Variants in NRK observed in about 807,000 individuals in gnomAD.
NRK encodes the protein Nik related kinase, also known as nik-related protein kinase.
NRK carries 67 observed loss-of-function variants against 125.2 expected under a neutral mutation model. That is an observed-to-expected ratio of 0.54 (90% confidence interval 0.44 to 0.66). The LOEUF (loss-of-function observed/expected upper bound fraction) is 0.66, where lower values mean the gene tolerates loss of function less well. NRK is among the 30% of genes least tolerant of loss of function. The pLI, the probability that NRK is intolerant of heterozygous loss-of-function variation, is 0.00. For synonymous variants in NRK, 458 were observed against 429.0 expected, an observed-to-expected ratio of 1.07 and a Z score of -0.84; for missense variants, 1,224 against 1,192.9, an observed-to-expected ratio of 1.03 and a Z score of -0.38.
intron 8 of NRK, among the ~76,000 whole-genome samples, chrX:105,899,968 A>G (rs1468037380): frequency 9.1e-6 from 1 of 110,346 alleles, no homozygotes; most frequent in Non-Finnish European, 1.9e-5. Context: ...ACTCTGTCTC[A>G]AGGAAGAAAA....
chrX:105,834,166 G>T (rs183178481), intron 2 of NRK, among the ~76,000 whole-genome samples: 1 of 110,916 alleles, frequency 9.0e-6, no homozygotes, highest in East Asian at 2.8e-4. Flanking sequence ...ATAGTCCAAG[G>T]CTTCTGAGTA....
In NRK at chrX:105,893,803, T is replaced by G. The variant is rs148870043; in HGVS notation, c.379-29T>G. The stretch of plus-strand genomic sequence containing the variant: ...ATATTTTCAGAAAATTGGACACTAA[T>G]TTTTTATACTTTGCTGGCTTTCCTG... On this transcript the variant is annotated intron_variant, in intron 5 of 28. Coordinates refer to ENST00000243300, the MANE Select transcript of NRK (RefSeq NM_198465.4). 8.3e-6 allele frequency: 8 copies of G among 964,391 alleles called. No individual in the cohort carries two copies. In the African/African-American group the frequency reaches 1.1e-4, roughly 14 times the overall value. 79.5% of individuals were successfully genotyped at this position (964,391 alleles called of 1,213,427 possible).
In NRK at chrX:105,935,246, C is replaced by G. The variant is rs1294120667; in HGVS notation, c.3576C>G (p.Val1192=). The G allele has an allele frequency of 6.7e-6, 8 of 1,190,018 alleles. No individual in the cohort carries two copies. The change falls in exon 21 of 29, where the codon GTC becomes GTG. Residue 1192 remains valine, a synonymous_variant. Transcript: ENST00000243300. ...PSEVNVNPLY[V]SPACKKPLIH... ...AAGTCAATGTTAACCCACTCTATGT[C>G]TCTCCTGCATGTAAAAAACCACTAA...
At chrX:105,925,699 G>C in intron 19 of NRK, among the ~76,000 whole-genome samples, 1 of 111,343 alleles carries the variant, frequency 9.0e-6, no homozygotes, top group Non-Finnish European at 1.9e-5. Context: ...AGAACATGTG[G>C]TTTTTATCTT....
chrX:105,924,051 A>T (rs1264532293), intron 18 of NRK, among the ~76,000 whole-genome samples: 1 of 108,393 alleles, frequency 9.2e-6, no homozygotes, highest in Non-Finnish European at 1.9e-5. Context: ...TTTTAGAATT[A>T]CCACAGGCAC....
chrX:105,824,836 A>G (rs1400924878), intron 1 of NRK, among the ~76,000 whole-genome samples: 4 of 111,457 alleles, frequency 3.6e-5, no homozygotes, highest in Non-Finnish European at 7.5e-5. Flanking sequence ...AGTAGCGAGA[A>G]GATACAAAAC....
At chrX:105,835,890 T>G (rs1286300497) in intron 2 of NRK, among the ~76,000 whole-genome samples, 1 of 111,771 alleles carries the variant, frequency 8.9e-6, no homozygotes, top group African/African-American at 3.2e-5. Context: ...CCACATTTGC[T>G]CTTTAGCAGT....
At chrX:105,842,787 G>T in intron 2 of NRK, among the ~76,000 whole-genome samples, 1 of 111,000 alleles carries the variant, frequency 9.0e-6, no homozygotes. Flanking sequence ...GTAGGGGTTT[G>T]CAGGTGAGGA....
Position 105,822,816 on chromosome X carries a change from T to G in NRK, c.-30T>G, listed in dbSNP as rs1300166058. 5 of 1,160,094 alleles carry G rather than the reference T, an allele frequency of 4.3e-6. No homozygotes were observed. The stretch of plus-strand genomic sequence containing the variant: ...CAGACTCTGCGCGCACCCAATTCAG[T>G]CGCCCGCTCCCGTTCGGCTCCTCGA... On this transcript the variant is annotated 5_prime_UTR_variant, in exon 1 of 29. Transcript: ENST00000243300.
chrX:105,852,891 T>G (rs998945170), intron 2 of NRK, among the ~76,000 whole-genome samples: 2 of 111,882 alleles, frequency 1.8e-5, no homozygotes, highest in African/African-American at 6.5e-5. Context: ...CTTAACAGTC[T>G]TGATGGCAAA....
At chrX:105,867,323 A>G (rs552765047) in intron 2 of NRK, among the ~76,000 whole-genome samples, 46 of 111,442 alleles carry the variant, frequency 4.1e-4, no homozygotes, top group Middle Eastern at 4.7e-3. Context: ...ATAATCTGTC[A>G]TCTAAGCCAG....
At chrX:105,876,912 A>T (rs1178450188) in intron 2 of NRK, among the ~76,000 whole-genome samples, 1 of 111,621 alleles carries the variant, frequency 9.0e-6, no homozygotes, top group African/African-American at 3.2e-5. Context: ...TAGGTTCTCT[A>T]GATAGGTGCC....
intron 2 of NRK, among the ~76,000 whole-genome samples, chrX:105,865,959 G>T (rs1438754209): frequency 2.9e-5 from 3 of 104,578 alleles, no homozygotes; most frequent in African/African-American, 1.1e-4. Context: ...ACTCGAGGTG[G>T]CATAGCTCTC....
intron 2 of NRK, among the ~76,000 whole-genome samples, chrX:105,843,823 C>G (rs2039360651): frequency 9.0e-6 from 1 of 110,884 alleles, no homozygotes; most frequent in Non-Finnish European, 1.9e-5. Context: ...TACAAATGCC[C>G]TTGCTTCTTG....
chrX:105,893,791 A>G (rs377550063), intron 5 of NRK, 41 bp from the exon 6 acceptor site: 303 of 830,185 alleles, frequency 3.6e-4, no homozygotes, highest in Non-Finnish European at 5.1e-4. Flanking sequence ...TTTTCAGAAA[A>G]TTGGACACTA....
At chrX:105,916,144 C>A (rs758063608) in intron 15 of NRK, among the ~76,000 whole-genome samples, 26 of 111,294 alleles carry the variant, frequency 2.3e-4, no homozygotes, top group African/African-American at 8.1e-4. Flanking sequence ...ACATGTGCTG[C>A]ATGATAAAAC....
At chrX:105,910,030 A>C in intron 13 of NRK, 148 bp downstream of exon 13, 1 of 443,907 alleles carries the variant, frequency 2.3e-6, no homozygotes. Flanking sequence ...ACTTCAAATA[A>C]ATTTTCATGA....
chrX:105,829,160 A>G (rs979309305), intron 1 of NRK, among the ~76,000 whole-genome samples: 1 of 112,041 alleles, frequency 8.9e-6, no homozygotes, highest in Non-Finnish European at 1.9e-5. Context: ...AGAGTCATAT[A>G]GTTAATTAAT....
chrX:105,883,691 A>G (rs148779150), intron 4 of NRK, among the ~76,000 whole-genome samples: 120 of 112,569 alleles, frequency 1.1e-3, no homozygotes, highest in African/African-American at 3.7e-3. Flanking sequence ...ACATCAAGCT[A>G]CCAAACTAGT....
Sources: gnomAD v4.1 joint callset for allele counts (sites outside exome capture counted in the v4.1 genomes callset) on GRCh38, gnomAD v4.1.1 for gene constraint, MANE v1.5 for transcripts, NCBI Gene and HGNC (gene_info 2026-07-23, HGNC 2026-07-21) for gene names.